RAD23B: variants seen among roughly 807,000 people sequenced by gnomAD.
RAD23B encodes RAD23 nucleotide excision repair protein B.
In RAD23B, 5 loss-of-function variants were observed where a neutral mutation model predicts 49.1. The ratio of observed to expected loss-of-function variants is 0.10; its 90% CI spans 0.05 to 0.21. The LOEUF is 0.21. Among genes scored for constraint, RAD23B ranks in the 10% least tolerant of loss-of-function variants. The pLI is 1.00. For missense variants in RAD23B, 356 were observed against 486.7 expected, an observed-to-expected ratio of 0.73 and a Z score of 2.53; for synonymous variants, 184 against 165.4, an observed-to-expected ratio of 1.11 and a Z score of -0.86.
chr9:107,324,050 TAG>T, intron 8 of RAD23B, 33 bp downstream of exon 8: 1 of 1,605,146 alleles, frequency 6.2e-7, no homozygotes. Flanking sequence ...ACAAGTGATT[TAG>T]AGTGTGTCAC....
rs550987525 is a variant in RAD23B, at chr9:107,317,089, CGCGT to C, written c.554-1657_554-1654del. Among the ~76,000 whole-genome samples, 125 of 59,740 alleles carry C rather than the reference CGCGT, an allele frequency of 2.1e-3. 1 individual carries two copies. The highest frequency in any genetic ancestry group is 0.013 in the African/African-American group (120 of 9,256). The allele number at this position is 59,740 out of a possible 152,430, so 39.2% of individuals were successfully genotyped here. On this transcript the variant is annotated intron_variant, in intron 5 of 9. Transcript: ENST00000358015. ...AATAAAATGAGGGGTTTTGCGCACA[CGCGT>C]GCGTGTGTGTGTGTGTGTGTGTGTG... is the stretch of plus-strand genomic sequence containing the variant.
chr9:107,308,245 GTC>G (rs1826821742), intron 4 of RAD23B, among the ~76,000 whole-genome samples: 1 of 140,792 alleles, frequency 7.1e-6, no homozygotes, highest in African/African-American at 2.7e-5. Flanking sequence ...TGGAGACAGA[GTC>G]TTGCTCTGCC....
At chr9:107,283,806 T>TGA in intron 1 of RAD23B, 111 bp downstream of exon 1, 1 of 1,049,694 alleles carries the variant, frequency 9.5e-7, no homozygotes, top group Non-Finnish European at 1.2e-6. Context: ...GAGGGCGCGA[T>TGA]GAGGGCCCTG....
rs527656662 is a variant in RAD23B, at chr9:107,302,001, C to G, written c.149-34C>G. ...ACTGAAGTGTAAGAGAAAGATTATG[C>G]CTTAAATGATTTTTTTTTCTCTTAA... On this transcript the variant is annotated intron_variant, in intron 2 of 9. Transcript: ENST00000358015. 29 of 1,603,472 alleles carry G rather than the reference C, an allele frequency of 1.8e-5. No individual in the cohort carries two copies. The East Asian group carries it at 5.9e-4, about 32-fold the overall frequency.
chr9:107,301,201 T>C lies in RAD23B; in HGVS notation c.149-834T>C, dbSNP rs544508997. Among the ~76,000 whole-genome samples, 8 of 152,350 alleles carry C rather than the reference T, an allele frequency of 5.3e-5. No homozygotes were observed. In the South Asian group the frequency reaches 1.7e-3, roughly 32 times the overall value. ...TTCTAAGTTCTGTAGCATCTTGCCC[T>C]TTCTTGTGTATCATGTCGTTTTCTG... On this transcript the variant is annotated intron_variant, in intron 2 of 9. Transcript: ENST00000358015.
chr9:107,295,990 A>G (rs1364017419), intron 1 of RAD23B, among the ~76,000 whole-genome samples: 1 of 152,206 alleles, frequency 6.6e-6, no homozygotes, highest in Non-Finnish European at 1.5e-5. Context: ...TCTTAAGGAG[A>G]TTCAAGAGCA....
At chr9:107,309,864 G>A (rs1356902116) in intron 4 of RAD23B, among the ~76,000 whole-genome samples, 1 of 151,030 alleles carries the variant, frequency 6.6e-6, no homozygotes, top group Non-Finnish European at 1.5e-5. Flanking sequence ...CCGGGAGGTG[G>A]AGCTTGCAGT....
chr9:107,310,249 G>A (rs779299553), intron 4 of RAD23B, among the ~76,000 whole-genome samples: 26 of 152,026 alleles, frequency 1.7e-4, no homozygotes, highest in Non-Finnish European at 2.8e-4. Context: ...CGGATTTAAT[G>A]TAAAAGCAAA....
chr9:107,322,166 G>C (rs1295067597), intron 7 of RAD23B, 48 bp downstream of exon 7: 1 of 1,517,980 alleles, frequency 6.6e-7, no homozygotes, highest in Non-Finnish European at 8.9e-7. Flanking sequence ...TGAATTTTTA[G>C]TGTAAAATAA....
intron 1 of RAD23B, 34 bp downstream of exon 1, chr9:107,283,729 G>A (rs1314536767): frequency 7.7e-7 from 1 of 1,299,242 alleles, no homozygotes; most frequent in Non-Finnish European, 1.0e-6. Flanking sequence ...GGGCAGCCGC[G>A]TGCGGGCCGC....
intron 3 of RAD23B, among the ~76,000 whole-genome samples, chr9:107,303,670 A>T (rs187077601): frequency 6.6e-6 from 1 of 152,340 alleles, no homozygotes; most frequent in African/African-American, 2.4e-5. Context: ...CACTTAGCAT[A>T]ATGTCATTGA....
At chr9:107,296,039 G>A (rs979220836) in intron 1 of RAD23B, among the ~76,000 whole-genome samples, 2 of 152,174 alleles carry the variant, frequency 1.3e-5, no homozygotes, top group African/African-American at 4.8e-5. Flanking sequence ...GTAGGAACAG[G>A]AGATTGGTCA....
intron 1 of RAD23B, among the ~76,000 whole-genome samples, chr9:107,295,499 T>C (rs1826493419): frequency 6.6e-6 from 1 of 152,128 alleles, no homozygotes; most frequent in African/African-American, 2.4e-5. Context: ...TGTAGGTGGG[T>C]CTGGATGCAA....
At chr9:107,312,879 G>A (rs1359050329) in intron 5 of RAD23B, among the ~76,000 whole-genome samples, 2 of 152,028 alleles carry the variant, frequency 1.3e-5, no homozygotes, top group Admixed American at 6.5e-5. Context: ...GCTGCAGCTG[G>A]AATGCATTGA....
chr9:107,309,056 T>G (rs748179172), intron 4 of RAD23B, among the ~76,000 whole-genome samples: 1 of 152,234 alleles, frequency 6.6e-6, no homozygotes, highest in Non-Finnish European at 1.5e-5. Flanking sequence ...CTGTATTGTT[T>G]GTAGTAAAGG....
rs1827277962 is a variant in RAD23B, at chr9:107,329,935, T to TG, written c.*279_*280insG. 9.8e-6 allele frequency: 2 copies of TG among 203,636 alleles called. No individual in the cohort carries two copies. The highest frequency in any genetic ancestry group is 5.9e-5 in the Admixed American group (1 of 17,040). The allele number at this position is 203,636 out of a possible 1,614,324, so 12.6% of individuals were successfully genotyped here. A position where few individuals can be genotyped will look rare whatever the true frequency, so the allele number is the denominator to read the frequency against. On this transcript the variant is annotated 3_prime_UTR_variant, in exon 10 of 10. Coordinates refer to ENST00000358015, the MANE Select transcript of RAD23B (RefSeq NM_002874.5). ...TTTCTTCTGTAAAACAGTAGGTAACTTTTCCTAGGTTTCACTCTTTTTAGT... is the reference window on the plus strand; with the variant it reads ...TTTCTTCTGTAAAACAGTAGGTAACTGTTTCCTAGGTTTCACTCTTTTTAGT...
chr9:107,294,696 C>G (rs948606202), intron 1 of RAD23B, among the ~76,000 whole-genome samples: 2 of 152,166 alleles, frequency 1.3e-5, no homozygotes, highest in African/African-American at 4.8e-5. Flanking sequence ...TTAAATACCT[C>G]TAGGACATCC....
Position 107,305,185 on chromosome 9 carries a change from A to C in RAD23B, c.229-1194A>C, listed in dbSNP as rs536669819. On this transcript the variant is annotated intron_variant, in intron 3 of 9. Coordinates refer to ENST00000358015, the MANE Select transcript of RAD23B (RefSeq NM_002874.5). ...GTAGTGTGAGCCCGTAGTCCCAGCT[A>C]CCTGGTGTTGGGGGCGGGGGCAGTG... is the stretch of plus-strand genomic sequence containing the variant. 7.2e-5 allele frequency among the ~76,000 whole-genome samples: 11 copies of C among 152,084 alleles called. No homozygotes were observed. The South Asian group carries it at 1.9e-3, about 26-fold the overall frequency.
intron 8 of RAD23B, among the ~76,000 whole-genome samples, chr9:107,324,389 C>T (rs943066114): frequency 3.3e-5 from 5 of 151,870 alleles, no homozygotes; most frequent in Non-Finnish European, 7.4e-5. Context: ...AACTTTTAAG[C>T]AACAGGAACA....
Sources: allele counts gnomAD v4.1 joint callset (sites outside exome capture counted in the v4.1 genomes callset), GRCh38; gene constraint gnomAD v4.1.1; transcripts MANE v1.5; gene names NCBI Gene and HGNC (gene_info 2026-07-23, HGNC 2026-07-21).